The following SVOP variants were observed in gnomAD, a reference collection of about 807,000 sequenced individuals.
SVOP encodes the protein SV2 related protein.
Under a neutral mutation model 69.1 loss-of-function variants are expected in SVOP, and 17 were observed. The observed-to-expected ratio is 0.25, with a 90% CI of 0.17 to 0.37. The LOEUF (loss-of-function observed/expected upper bound fraction) is 0.37, where lower values mean the gene tolerates loss of function less well. Among genes scored for constraint, SVOP ranks in the 10% least tolerant of loss-of-function variants. The pLI, the probability that SVOP is intolerant of heterozygous loss-of-function variation, is 1.00. For missense variants in SVOP, 435 were observed against 597.5 expected, an observed-to-expected ratio of 0.73 and a Z score of 2.84; for synonymous variants, 238 against 238.6, an observed-to-expected ratio of 1.00 and a Z score of 0.02.
chr12:108,999,721 A>C (rs1053978070), intron 1 of SVOP, among the ~76,000 whole-genome samples: 1 of 149,188 alleles, frequency 6.7e-6, no homozygotes, highest in South Asian at 2.2e-4. Context: ...TACTGGATAC[A>C]TAACGAAATG....
At chr12:108,928,762 T>G (rs1043107919) in intron 11 of SVOP, among the ~76,000 whole-genome samples, 1 of 151,982 alleles carries the variant, frequency 6.6e-6, no homozygotes, top group Non-Finnish European at 1.5e-5. Flanking sequence ...GAGACAGGGT[T>G]TCACCATATT....
intron 6 of SVOP, among the ~76,000 whole-genome samples, chr12:108,953,492 TCTGG>T (rs778704669): frequency 4.6e-5 from 7 of 152,190 alleles, no homozygotes; most frequent in Non-Finnish European, 1.0e-4. Flanking sequence ...TACAAGGACT[TCTGG>T]TTGTTGAGCT....
At chr12:108,926,049 G>T (rs919500266) in intron 11 of SVOP, among the ~76,000 whole-genome samples, 4 of 151,684 alleles carry the variant, frequency 2.6e-5, no homozygotes, top group Admixed American at 2.6e-4. Flanking sequence ...CTCCCAAATA[G>T]CTGGGACCAC....
At chr12:108,950,567 G>A (rs2039949089) in intron 6 of SVOP, among the ~76,000 whole-genome samples, 1 of 151,926 alleles carries the variant, frequency 6.6e-6, no homozygotes, top group Non-Finnish European at 1.5e-5. Flanking sequence ...ATTTTTTGTA[G>A]AGACAAGGTT....
chr12:108,933,378 A>AT, intron 11 of SVOP, among the ~76,000 whole-genome samples: 1 of 128,722 alleles, frequency 7.8e-6, no homozygotes, highest in Non-Finnish European at 1.6e-5. Flanking sequence ...CCTTGTCTCA[A>AT]AAATAATAAT....
chr12:108,940,314 A>T (rs1396579489), intron 8 of SVOP, among the ~76,000 whole-genome samples: 1 of 152,208 alleles, frequency 6.6e-6, no homozygotes, highest in Non-Finnish European at 1.5e-5. Flanking sequence ...AATGATGAGT[A>T]TGTGGCAAGA....
chr12:108,915,869 A>T lies in SVOP; in HGVS notation c.1354T>A (p.Tyr452Asn). The part of the protein sequence containing the change: ...QAAYVYTPEV[Y>N]PTATRALGLG... ...CCGAGGGCCCGCGTTGCCGTGGGGTAGACCTGAAACACAGCAGCCGGATAT... is the reference window on the plus strand; with the variant it reads ...CCGAGGGCCCGCGTTGCCGTGGGGTTGACCTGAAACACAGCAGCCGGATAT... The change falls in exon 15 of 16, where the codon TAC becomes AAC. Residue 452 changes from tyrosine (Y) to asparagine (N), a missense_variant. Coordinates refer to ENST00000610966, the MANE Select transcript of SVOP (RefSeq NM_018711.5). 6.2e-7 allele frequency: 1 copy of T among 1,602,806 alleles called. No individual in the cohort carries two copies. The highest frequency in any genetic ancestry group is 1.1e-5 in the South Asian group (1 of 89,080).
intron 12 of SVOP, among the ~76,000 whole-genome samples, chr12:108,922,203 C>G (rs573736129): frequency 6.6e-6 from 1 of 152,138 alleles, no homozygotes; most frequent in Non-Finnish European, 1.5e-5. Flanking sequence ...GAGCAAAGGG[C>G]AGGTTGGCTT....
Position 108,948,953 on chromosome 12 carries a change from C to T in SVOP, c.579-3787G>A, listed in dbSNP as rs543387496. ...AAATCAATAATAATACCATGTTTAC[C>T]TTTCCTTTACCAAATCGAAGTCAAA... On this transcript the variant is annotated intron_variant, in intron 6 of 15. Transcript: ENST00000610966. 7.4e-4 allele frequency among the ~76,000 whole-genome samples: 113 copies of T among 152,208 alleles called. 1 individual carries two copies. Among genetic ancestry groups the T allele is most frequent in the African/African-American group, 2.6e-3 (106 of 41,532 alleles).
Position 108,909,988 on chromosome 12 carries a change from C to T in SVOP, c.*2547G>A, listed in dbSNP as rs1434133318. 6.6e-6 allele frequency: 1 copy of T among 152,540 alleles called. No individual in the cohort carries two copies. Among genetic ancestry groups the T allele is most frequent in the Non-Finnish European group, 1.5e-5 (1 of 68,316 alleles). 9.4% of individuals were successfully genotyped at this position (152,540 alleles called of 1,614,324 possible). On this transcript the variant is annotated 3_prime_UTR_variant, in exon 16 of 16. Transcript: ENST00000610966. ...TTTTGTTTTGTTTTTGAGATGGAGT[C>T]TTGCTCTGTCGCCCAGGCTGGAGTG...
intron 1 of SVOP, among the ~76,000 whole-genome samples, chr12:108,991,877 T>C (rs2040203858): frequency 6.6e-6 from 1 of 151,936 alleles, no homozygotes; most frequent in Non-Finnish European, 1.5e-5. Context: ...GCCCAGGAAG[T>C]TGAGGCTACA....
chr12:108,921,979 A>T (rs566625774), intron 12 of SVOP, among the ~76,000 whole-genome samples: 23 of 152,288 alleles, frequency 1.5e-4, no homozygotes, highest in African/African-American at 5.1e-4. Context: ...AAAAAAAGAT[A>T]GATCACCTTT....
chr12:109,010,751 C>T (rs1195332121), intron 1 of SVOP, among the ~76,000 whole-genome samples: 3 of 152,194 alleles, frequency 2.0e-5, no homozygotes, highest in Admixed American at 2.0e-4. Context: ...ATTCTCCTGC[C>T]TTGGCCTCCC....
At chr12:109,019,281 T>A (rs1302333122) in intron 1 of SVOP, among the ~76,000 whole-genome samples, 1 of 152,206 alleles carries the variant, frequency 6.6e-6, no homozygotes, top group Non-Finnish European at 1.5e-5. Flanking sequence ...GAAAACTTCT[T>A]ATTTTTGCTT....
At chr12:108,921,370 A>C (rs1566047474) in intron 12 of SVOP, among the ~76,000 whole-genome samples, 1 of 152,206 alleles carries the variant, frequency 6.6e-6, no homozygotes, top group Non-Finnish European at 1.5e-5. Context: ...GGGTTTTCCC[A>C]GAAGCAAACC....
chr12:108,943,414 G>T (rs146297784), intron 7 of SVOP, among the ~76,000 whole-genome samples: 80,161 of 151,228 alleles, frequency 0.53, 22,268 homozygotes, highest in South Asian at 0.63. Context: ...TGGCCAAGAT[G>T]GTAAAACTTG....
chr12:108,924,388 G>T (rs1014225440), intron 11 of SVOP, among the ~76,000 whole-genome samples: 4 of 152,142 alleles, frequency 2.6e-5, no homozygotes, highest in African/African-American at 4.8e-5. Flanking sequence ...CCCCAAAGTT[G>T]CTCCACCTAC....
Position 109,002,774 on chromosome 12 carries a change from C to T in SVOP, c.35+18060G>A, listed in dbSNP as rs187034372. 2.6e-3 allele frequency among the ~76,000 whole-genome samples: 334 copies of T among 129,734 alleles called. 1 individual carries two copies. Among genetic ancestry groups the T allele is most frequent in the Admixed American group, 4.5e-3 (45 of 9,950 alleles). 85.1% of individuals were successfully genotyped at this position (129,734 alleles called of 152,430 possible). A position where few individuals can be genotyped will look rare whatever the true frequency, so the allele number is the denominator to read the frequency against. ...ATTGAACAATGAGATCACATGGACA[C>T]AGGAAGGGAAATATCACACTCTGGG... is the stretch of plus-strand genomic sequence containing the variant. On this transcript the variant is annotated intron_variant, in intron 1 of 15. Transcript: ENST00000610966.
At chr12:108,918,207 A>G (rs1488744610) in intron 13 of SVOP, 83 bp from the exon 14 acceptor site, 38 of 1,145,622 alleles carry the variant, frequency 3.3e-5, no homozygotes, top group Non-Finnish European at 4.3e-5. Context: ...GGCAGTATCA[A>G]TGCCCTAGCA....
Sources: allele counts gnomAD v4.1 joint callset (sites outside exome capture counted in the v4.1 genomes callset), GRCh38; gene constraint gnomAD v4.1.1; transcripts MANE v1.5; gene names NCBI Gene and HGNC (gene_info 2026-07-23, HGNC 2026-07-21).